Variants in FAM53A observed in about 807,000 individuals in gnomAD.
The protein encoded by FAM53A is protein FAM53A.
A neutral mutation model predicts 26.6 loss-of-function variants in FAM53A; 28 were observed. The ratio of observed to expected loss-of-function variants is 1.05; its 90% confidence interval spans 0.78 to 1.45. The LOEUF (loss-of-function observed/expected upper bound fraction) is 1.45, where lower values mean the gene tolerates loss of function less well. FAM53A is among the 40% of genes most tolerant of loss of function. FAM53A has a pLI of 0.00. For missense variants in FAM53A, 650 were observed against 575.8 expected, an observed-to-expected ratio of 1.13 and a Z score of -1.32; for synonymous variants, 290 against 253.1, an observed-to-expected ratio of 1.15 and a Z score of -1.38.
downstream of FAM53A, among the ~76,000 whole-genome samples, chr4:1,614,532 T>C (rs183225083): frequency 3.4e-5 from 5 of 148,542 alleles, no homozygotes; most frequent in East Asian, 1.0e-3. Context: ...GTGAGGGGGA[T>C]GCAGAGACAC....
chr4:1,670,979 C>A (rs542090456), intron 1 of FAM53A, among the ~76,000 whole-genome samples: 9 of 150,648 alleles, frequency 6.0e-5, no homozygotes, highest in Non-Finnish European at 1.3e-4. Flanking sequence ...ACAGCCACGG[C>A]CCGGACTCAC....
intron 1 of FAM53A, among the ~76,000 whole-genome samples, chr4:1,624,962 TC>T (rs1171848419): frequency 7.2e-6 from 1 of 138,230 alleles, no homozygotes; most frequent in Non-Finnish European, 1.5e-5. Context: ...AGCCCCCACG[TC>T]CCGGCCCACG....
chr4:1,609,895 A>G, the FAM53A span, among the ~76,000 whole-genome samples: 3 of 152,222 alleles, frequency 2.0e-5, no homozygotes, highest in Admixed American at 6.5e-5. Context: ...CTCAGGAGGC[A>G]GAGGCTGCAG....
the FAM53A span, among the ~76,000 whole-genome samples, chr4:1,597,312 C>T: frequency 4.6e-5 from 7 of 152,290 alleles, no homozygotes; most frequent in South Asian, 6.2e-4. Flanking sequence ...AACTCAAACC[C>T]AGCAGAACCC....
chr4:1,655,730 A>G lies in FAM53A; in HGVS notation c.137-7T>C, dbSNP rs763596119. ...ACCTTCCAGGGACTCTGGTCTACAA[A>G]AAAAGACACAAAGAGGCAGGGGAAG... On this transcript the variant is annotated splice_region_variant and splice_polypyrimidine_tract_variant and intron_variant, in intron 3 of 4. Coordinates refer to ENST00000308132, the MANE Select transcript of FAM53A (RefSeq NM_001174070.3). 2.9e-5 allele frequency: 44 copies of G among 1,541,160 alleles called. No homozygotes were observed. The highest frequency in any genetic ancestry group is 3.6e-5 in the Non-Finnish European group (42 of 1,152,272).
At chr4:1,606,595 C>T in the FAM53A span, among the ~76,000 whole-genome samples, 3,620 of 152,284 alleles carry the variant, frequency 0.024, 66 homozygotes, top group Non-Finnish European at 0.034. Flanking sequence ...AGTGCATAAA[C>T]GACTCAATTA....
At chr4:1,680,337 A>AAC (rs1553814426) in intron 1 of FAM53A, among the ~76,000 whole-genome samples, 11 of 148,046 alleles carry the variant, frequency 7.4e-5, no homozygotes, top group African/African-American at 2.7e-4. Flanking sequence ...AAAAAAAAAA[A>AAC]AAAAAAAACA....
At chr4:1,607,578 G>GC in the FAM53A span, among the ~76,000 whole-genome samples, 23 of 150,806 alleles carry the variant, frequency 1.5e-4, no homozygotes, top group African/African-American at 5.1e-4. Context: ...AAGTGAGGCC[G>GC]CCCCCCCACC....
intron 4 of FAM53A, chr4:1,644,292 C>G: frequency 6.5e-7 from 1 of 1,535,982 alleles, no homozygotes; most frequent in Non-Finnish European, 8.7e-7. Context: ...GCTGTAAGCT[C>G]ACGCCGAGGC....
rs769898435 is a variant in FAM53A, at chr4:1,668,697, G to A, written c.45C>T (p.Asp15=). 2.5e-5 allele frequency: 41 copies of A among 1,614,068 alleles called. No homozygotes were observed. Among genetic ancestry groups the A allele is most frequent in the African/African-American group, 1.3e-4 (10 of 74,946 alleles). ...ITEKLQSQSL[D]DLTCKAEAGP... ...CAGCCTCCGCCTTGCAGGTGAGGTC[G>A]TCCAGGCTCTGGCTCTGCAGCTTCT... The change falls in exon 2 of 5, where the codon GAC becomes GAT. Residue 15 remains aspartate (D), a synonymous_variant. Coordinates refer to ENST00000308132, the MANE Select transcript of FAM53A (RefSeq NM_001174070.3).
chr4:1,617,310 T>G (rs1714846451), downstream of FAM53A, among the ~76,000 whole-genome samples: 1 of 152,190 alleles, frequency 6.6e-6, no homozygotes, highest in African/African-American at 2.4e-5. Flanking sequence ...CTATTTATGG[T>G]GTTTCTGAGT....
downstream of FAM53A, among the ~76,000 whole-genome samples, chr4:1,636,115 G>A (rs2108785743): frequency 6.6e-6 from 1 of 152,250 alleles, no homozygotes; most frequent in East Asian, 1.9e-4. Context: ...CCAAAGTGCT[G>A]GGATTACAGG....
the FAM53A span, among the ~76,000 whole-genome samples, chr4:1,599,100 C>T: frequency 6.6e-6 from 1 of 152,124 alleles, no homozygotes; most frequent in African/African-American, 2.4e-5. This position sits in a 1 kb window ranked among gnomAD's most constrained non-coding sequence, Gnocchi z 6.1. Context: ...GAGCGCAGGG[C>T]CGTCGGCTCC....
intron 4 of FAM53A, chr4:1,644,215 T>C (rs1184103088): frequency 1.3e-6 from 2 of 1,535,990 alleles, no homozygotes; most frequent in Admixed American, 3.9e-5. Context: ...TCCTTCCATT[T>C]CAAACCACGG....
chr4:1,681,064 G>C (rs1715400920), intron 1 of FAM53A, among the ~76,000 whole-genome samples: 1 of 152,078 alleles, frequency 6.6e-6, no homozygotes, highest in Non-Finnish European at 1.5e-5. Flanking sequence ...AGGAGGTCCT[G>C]CATGTGTGAG....
intron 1 of FAM53A, among the ~76,000 whole-genome samples, chr4:1,619,363 G>A (rs1171272443): frequency 1.3e-5 from 2 of 152,192 alleles, no homozygotes; most frequent in Non-Finnish European, 2.9e-5. Context: ...CAAGGCAGGA[G>A]GGCAGAGGCC....
intron 3 of FAM53A, among the ~76,000 whole-genome samples, chr4:1,656,939 G>A (rs1335203090): frequency 2.6e-5 from 4 of 152,078 alleles, no homozygotes; most frequent in Admixed American, 6.5e-5. Flanking sequence ...CTCCATACTC[G>A]GGGCACCTGC....
At chr4:1,643,381 G>C (rs1282850796) in intron 4 of FAM53A, among the ~76,000 whole-genome samples, 5 of 151,966 alleles carry the variant, frequency 3.3e-5, no homozygotes, top group Admixed American at 6.5e-5. Flanking sequence ...CAGGAGAATG[G>C]CGTGAACCCG....
chr4:1,596,955 C>T, the FAM53A span, among the ~76,000 whole-genome samples: 19 of 152,188 alleles, frequency 1.2e-4, no homozygotes, highest in Admixed American at 1.0e-3. Context: ...CCCGGGGGCT[C>T]GCCCTGGGCA....
Sources: gnomAD v4.1 joint callset for allele counts (sites outside exome capture counted in the v4.1 genomes callset) on GRCh38, gnomAD v4.1.1 for gene constraint, Gnocchi (gnomAD v3.1) non-coding constraint, MANE v1.5 for transcripts, NCBI Gene and HGNC (gene_info 2026-07-23, HGNC 2026-07-21) for gene names.